BCL6B: variants seen among roughly 807,000 people sequenced by gnomAD.
The protein encoded by BCL6B is BCL6B transcription repressor.
A neutral mutation model predicts 44.6 loss-of-function variants in BCL6B; 28 were observed. The ratio of observed to expected loss-of-function variants is 0.63; its 90% confidence interval spans 0.47 to 0.86. The LOEUF is 0.86. Ranked by LOEUF, BCL6B falls within the 40% of genes least tolerant of loss-of-function variation. The pLI is 0.00. For synonymous variants in BCL6B, 268 were observed against 263.6 expected, an observed-to-expected ratio of 1.02 and a Z score of -0.16; for missense variants, 626 against 652.3, an observed-to-expected ratio of 0.96 and a Z score of 0.44.
Position 7,024,890 on chromosome 17 carries a change from G to A in BCL6B, c.764+127G>A. ...TTTCAGAGACACTAGCTCACCTTAAGGAGCTGGCCAGAGACCAGGTTTATT... is the reference window on the plus strand; with the variant it reads ...TTTCAGAGACACTAGCTCACCTTAAAGAGCTGGCCAGAGACCAGGTTTATT... On this transcript the variant is annotated intron_variant, in intron 4 of 8. Coordinates refer to ENST00000293805, the MANE Select transcript of BCL6B (RefSeq NM_181844.4). The surrounding 1 kb of genome is among the most constrained non-coding windows in gnomAD (Gnocchi z 6.6). 6.8e-7 allele frequency: 1 copy of A among 1,462,282 alleles called. No homozygotes were observed. The highest frequency in any genetic ancestry group is 1.4e-5 in the South Asian group (1 of 72,382). The allele number at this position is 1,462,282 out of a possible 1,614,324, so 90.6% of individuals were successfully genotyped here. A position where few individuals can be genotyped will look rare whatever the true frequency, so the allele number is the denominator to read the frequency against.
Position 7,024,179 on chromosome 17 carries a change from A to T in BCL6B, c.276A>T (p.Leu92=). The T allele has an allele frequency of 6.2e-7, 1 of 1,613,714 alleles. No individual in the cohort carries two copies. Among genetic ancestry groups the T allele is most frequent in the South Asian group, 1.1e-5 (1 of 91,064 alleles). Residue 92 remains leucine, a synonymous_variant, in exon 3 of 9, where the codon CTA becomes CTT. Transcript: ENST00000293805. The surrounding 1 kb of genome is among the most constrained non-coding windows in gnomAD (Gnocchi z 6.6). ...GGPEARGFAP[L]LDFMYTSRLR... is the part of the protein sequence containing the mutation. ...CCGAAGCGAGAGGCTTCGCCCCTCTATTGGACTTCATGTACACTTCGCGCC... is the reference window on the plus strand; with the variant it reads ...CCGAAGCGAGAGGCTTCGCCCCTCTTTTGGACTTCATGTACACTTCGCGCC...
At position 7,026,454 on chromosome 17, in the gene BCL6B, C is replaced by CA. The variant is rs1205156877; in HGVS notation, c.890-2dup. 1 of 1,613,656 alleles carries CA rather than the reference C, an allele frequency of 6.2e-7. No individual in the cohort carries two copies. Among genetic ancestry groups the CA allele is most frequent in the Non-Finnish European group, 8.5e-7 (1 of 1,179,700 alleles). On this transcript the variant is annotated splice_polypyrimidine_tract_variant and splice_region_variant and intron_variant, in intron 5 of 8. Transcript: ENST00000293805. ...GGTTGCCGTCACCCATTCCCCTTCC[C>CA]AGGAAGTGAATTTTTCAGCTGCCAG... is the stretch of plus-strand genomic sequence containing the variant.
In BCL6B at chr17:7,023,996, A is replaced by C. The variant is rs1910202818; in HGVS notation, c.180-87A>C. On this transcript the variant is annotated intron_variant, in intron 2 of 8. Coordinates refer to ENST00000293805, the MANE Select transcript of BCL6B (RefSeq NM_181844.4). The stretch of plus-strand genomic sequence containing the variant: ...GGCGGGGTGATAGTGAGGAGGCGGG[A>C]CTTTTTCAGGGGGCGGGGCTTCCTG... The C allele has an allele frequency of 3.9e-6, 6 of 1,535,568 alleles. No homozygotes were observed. In the Admixed American group the frequency reaches 5.3e-5, roughly 14 times the overall value.
chr17:7,027,117 C>T, intron 8 of BCL6B, 30 bp downstream of exon 8: 1 of 1,612,552 alleles, frequency 6.2e-7, no homozygotes, highest in South Asian at 1.1e-5. Flanking sequence ...TGCCCACTGC[C>T]TTAGAATTAC....
At chr17:7,023,909 G>C in intron 2 of BCL6B, 59 bp downstream of exon 2, 1 of 1,577,312 alleles carries the variant, frequency 6.3e-7, no homozygotes, top group Non-Finnish European at 8.6e-7. Flanking sequence ...CCACAGGGCC[G>C]TTGAGAGGGA....
At chr17:7,025,344 G>A in intron 5 of BCL6B, 144 bp downstream of exon 5, 2 of 1,184,766 alleles carry the variant, frequency 1.7e-6, no homozygotes, top group Non-Finnish European at 2.4e-6. Context: ...AACTCCCACT[G>A]CCCAGGTCAC....
rs527943916 is a variant in BCL6B, at chr17:7,029,036, C to T, written c.*1417C>T. On this transcript the variant is annotated 3_prime_UTR_variant, in exon 9 of 9. Coordinates refer to ENST00000293805, the MANE Select transcript of BCL6B (RefSeq NM_181844.4). ...CTGGAACCAGTGAATGCATTAGAAC[C>T]TTCCATAGGAAAAGAAAAGGGGCTG... is the stretch of plus-strand genomic sequence containing the variant. 1.0e-6 allele frequency: 1 copy of T among 985,488 alleles called. No individual in the cohort carries two copies. The highest frequency in any genetic ancestry group is 1.1e-4 in the East Asian group (1 of 8,822). The allele number at this position is 985,488 out of a possible 1,614,324, so 61.0% of individuals were successfully genotyped here.
chr17:7,027,714 C>T lies in BCL6B; in HGVS notation c.*95C>T. On this transcript the variant is annotated 3_prime_UTR_variant, in exon 9 of 9. Transcript: ENST00000293805. ...TATCAGGCTTGGGCATAGGGGTGTG[C>T]CAGGCCACTTTGGTATCAGAAATTG... 2 of 1,556,174 alleles carry T rather than the reference C, an allele frequency of 1.3e-6. No homozygotes were observed. The highest frequency in any genetic ancestry group is 1.2e-5 in the South Asian group (1 of 86,654).
chr17:7,026,506 A>G lies in BCL6B; in HGVS notation c.939A>G (p.Ser313=). ...ACTGTGAGGCTGTGGCAGGGTGCTCATCGGGGCTGGACTCCTTGGTTCCTG... is the reference window on the plus strand; with the variant it reads ...ACTGTGAGGCTGTGGCAGGGTGCTCGTCGGGGCTGGACTCCTTGGTTCCTG... The part of the protein sequence containing the change: ...CQNCEAVAGC[S]SGLDSLVPGD... Residue 313 remains serine, a synonymous_variant, in exon 6 of 9, where the codon TCA becomes TCG. Coordinates refer to ENST00000293805, the MANE Select transcript of BCL6B (RefSeq NM_181844.4). The G allele has an allele frequency of 6.2e-7, 1 of 1,614,182 alleles. No individual in the cohort carries two copies. Among genetic ancestry groups the G allele is most frequent in the Non-Finnish European group, 8.5e-7 (1 of 1,180,002 alleles).
Position 7,028,410 on chromosome 17 carries a change from C to G in BCL6B, c.*791C>G. On this transcript the variant is annotated 3_prime_UTR_variant, in exon 9 of 9. Coordinates refer to ENST00000293805, the MANE Select transcript of BCL6B (RefSeq NM_181844.4). ...GTGATAGGAACCATTATGTTGAGCCCAAAATGGAAGTAATAATAAATGCCT... is the reference window on the plus strand; with the variant it reads ...GTGATAGGAACCATTATGTTGAGCCGAAAATGGAAGTAATAATAAATGCCT... 1.0e-6 allele frequency: 1 copy of G among 985,568 alleles called. No individual in the cohort carries two copies. The highest frequency in any genetic ancestry group is 1.2e-6 in the Non-Finnish European group (1 of 829,980). 61.1% of individuals were successfully genotyped at this position (985,568 alleles called of 1,614,324 possible). A position where few individuals can be genotyped will look rare whatever the true frequency, so the allele number is the denominator to read the frequency against.
chr17:7,024,811 G>GAA lies in BCL6B; in HGVS notation c.764+49_764+50dup. 6.5e-7 allele frequency: 1 copy of GAA among 1,545,786 alleles called. No individual in the cohort carries two copies. Among genetic ancestry groups the GAA allele is most frequent in the Non-Finnish European group, 8.7e-7 (1 of 1,146,334 alleles). ...AATTTGTCAGAGCTGGCCTCAGCTA[G>GAA]AAGACAGAGTCATTGGGCCTTGATG... On this transcript the variant is annotated intron_variant, in intron 4 of 8. Transcript: ENST00000293805. The surrounding 1 kb of genome is among the most constrained non-coding windows in gnomAD (Gnocchi z 6.6).
In BCL6B at chr17:7,026,720, A is replaced by G; in HGVS notation, c.1070A>G (p.His357Arg). The G allele has an allele frequency of 6.2e-7, 1 of 1,614,222 alleles. No individual in the cohort carries two copies. The highest frequency in any genetic ancestry group is 1.1e-5 in the South Asian group (1 of 91,090). The change falls in exon 7 of 9, where the codon CAC becomes CGC. Residue 357 changes from histidine to arginine, a missense_variant. Physicochemically the swap from His to Arg is conservative, Grantham distance 29. Transcript: ENST00000293805. ...CTGCCTCCAGGGGAAAAGCCTTACCACTGCTCAATCTGCGGAGCCCGTTTT... is the reference window on the plus strand; with the variant it reads ...CTGCCTCCAGGGGAAAAGCCTTACCGCTGCTCAATCTGCGGAGCCCGTTTT... Reference protein sequence around the residue: ...RTVHTGEKPYHCSICGARFNR... With the variant: ...RTVHTGEKPYRCSICGARFNR...
Position 7,023,865 on chromosome 17 carries a change from G to T in BCL6B, c.179+15G>T. The T allele has an allele frequency of 1.2e-6, 2 of 1,602,978 alleles. No homozygotes were observed. Among genetic ancestry groups the T allele is most frequent in the Middle Eastern group, 1.7e-4 (1 of 5,918 alleles). On this transcript the variant is annotated intron_variant, in intron 2 of 8. Transcript: ENST00000293805. ...ATCGCCTGCAGGTTCGAGGGGTGGG[G>T]CCTGGGGCGGGGCCAAATGGGAAAG...
chr17:7,026,818 G>A lies in BCL6B; in HGVS notation c.1168G>A (p.Gly390Ser), dbSNP rs181137320. The change falls in exon 7 of 9, where the codon GGC becomes AGC. Residue 390 changes from glycine to serine, a missense_variant. Coordinates refer to ENST00000293805, the MANE Select transcript of BCL6B (RefSeq NM_181844.4). Reference sequence around the variant, plus strand: ...GAAGCCGTATAAGTGTGAGACGTGCGGCTCGCGCTTTGTACAGGTACGGAG... The same window carrying A: ...GAAGCCGTATAAGTGTGAGACGTGCAGCTCGCGCTTTGTACAGGTACGGAG... Reference protein sequence around the residue: ...GEKPYKCETCGSRFVQVAHLR... With the variant: ...GEKPYKCETCSSRFVQVAHLR... 7.4e-6 allele frequency: 12 copies of A among 1,614,062 alleles called. No individual in the cohort carries two copies. The highest frequency in any genetic ancestry group is 5.3e-5 in the African/African-American group (4 of 75,072).
In BCL6B at chr17:7,027,605, C is replaced by T. The variant is rs370006862; in HGVS notation, c.1426C>T (p.Leu476Phe). 8 of 1,613,332 alleles carry T rather than the reference C, an allele frequency of 5.0e-6. No individual in the cohort carries two copies. The African/African-American group carries it at 9.3e-5, about 19-fold the overall frequency. ...ATNTKVHYHI[L>F]GGP ...CAACACCAAAGTGCACTACCACATT[C>T]TCGGGGGGCCCTAGCTGAGCGCAGG... Residue 476 changes from leucine to phenylalanine, a missense_variant, in exon 9 of 9, where the codon CTC becomes TTC. Transcript: ENST00000293805.
chr17:7,027,205 G>C, intron 8 of BCL6B, 118 bp downstream of exon 8: 1 of 1,380,284 alleles, frequency 7.2e-7, no homozygotes, highest in Non-Finnish European at 9.8e-7. Flanking sequence ...AGCGGTGGCC[G>C]GAAGAGTCCA....
rs970847321 is a variant in BCL6B at position 7,028,885 on chromosome 17, T to G, written c.*1266T>G. 2 of 985,356 alleles carry G rather than the reference T, an allele frequency of 2.0e-6. No individual in the cohort carries two copies. Among genetic ancestry groups the G allele is most frequent in the African/African-American group, 3.5e-5 (2 of 57,242 alleles). 61.0% of individuals were successfully genotyped at this position (985,356 alleles called of 1,614,324 possible). A position where few individuals can be genotyped will look rare whatever the true frequency, so the allele number is the denominator to read the frequency against. On this transcript the variant is annotated 3_prime_UTR_variant, in exon 9 of 9. Coordinates refer to ENST00000293805, the MANE Select transcript of BCL6B (RefSeq NM_181844.4). Reference sequence around the variant, plus strand: ...GAGCCCCTTCTTCCTTTAGTGGGTTTTGGACATCTTCTGGCAAGTGTCCAG... The same window carrying G: ...GAGCCCCTTCTTCCTTTAGTGGGTTGTGGACATCTTCTGGCAAGTGTCCAG...
Position 7,027,723 on chromosome 17 carries a change from T to C in BCL6B, c.*104T>C. The C allele has an allele frequency of 1.3e-6, 2 of 1,537,256 alleles. No individual in the cohort carries two copies. Among genetic ancestry groups the C allele is most frequent in the Non-Finnish European group, 1.7e-6 (2 of 1,148,234 alleles). On this transcript the variant is annotated 3_prime_UTR_variant, in exon 9 of 9. Transcript: ENST00000293805. ...TGGGCATAGGGGTGTGCCAGGCCAC[T>C]TTGGTATCAGAAATTGCCACCCTCT...
chr17:7,026,755 G>A lies in BCL6B; in HGVS notation c.1105G>A (p.Ala369Thr). The change falls in exon 7 of 9, where the codon GCA becomes ACA. Residue 369 changes from alanine (A) to threonine (T), a missense_variant. Physicochemically the swap from Ala to Thr is moderately conservative, Grantham distance 58 (BLOSUM62 0). Transcript: ENST00000293805. ...CTGCGGAGCCCGTTTTAACCGGCCAGCAAACCTGAAAACGCACAGCCGCAT... is the reference window on the plus strand; with the variant it reads ...CTGCGGAGCCCGTTTTAACCGGCCAACAAACCTGAAAACGCACAGCCGCAT... ...SICGARFNRPANLKTHSRIHS... is the reference protein window; with the variant it reads ...SICGARFNRPTNLKTHSRIHS... 1 of 1,614,198 alleles carries A rather than the reference G, an allele frequency of 6.2e-7. No homozygotes were observed. Among genetic ancestry groups the A allele is most frequent in the Non-Finnish European group, 8.5e-7 (1 of 1,180,044 alleles).
Sources: allele counts gnomAD v4.1 joint callset, GRCh38; gene constraint gnomAD v4.1.1; non-coding constraint Gnocchi (gnomAD v3.1); transcripts MANE v1.5; gene names NCBI Gene and HGNC (gene_info 2026-07-23, HGNC 2026-07-21).